Variants in NT5DC1 observed in about 807,000 individuals in gnomAD.
The protein encoded by NT5DC1 is 5'-nucleotidase domain containing 1, also known as 5'-nucleotidase domain-containing protein 1.
A neutral mutation model predicts 59.4 loss-of-function variants in NT5DC1; 42 were observed. The observed-to-expected ratio is 0.71, with a 90% confidence interval of 0.55 to 0.92. The LOEUF is 0.92. Ranked by LOEUF, NT5DC1 falls within the 40% of genes least tolerant of loss-of-function variation. NT5DC1 has a pLI of 0.00. For missense variants in NT5DC1, 501 were observed against 537.1 expected, an observed-to-expected ratio of 0.93 and a Z score of 0.66; for synonymous variants, 172 against 188.1, an observed-to-expected ratio of 0.91 and a Z score of 0.70.
At position 116,108,359 on chromosome 6, in the gene NT5DC1, T is replaced by G. The variant is rs758726923; in HGVS notation, c.186-5T>G. 93 of 1,582,044 alleles carry G rather than the reference T, an allele frequency of 5.9e-5. No homozygotes were observed. Among genetic ancestry groups the G allele is most frequent in the Non-Finnish European group, 8.0e-5 (92 of 1,150,960 alleles). Reference sequence around the variant, plus strand: ...TTGATTAATAATCAAACTTTCCTATTTCAGTTGCAAAGGTTTGGCATTGGA... The same window carrying G: ...TTGATTAATAATCAAACTTTCCTATGTCAGTTGCAAAGGTTTGGCATTGGA... On this transcript the variant is annotated splice_polypyrimidine_tract_variant and splice_region_variant and intron_variant, in intron 2 of 11. Coordinates refer to ENST00000319550, the MANE Select transcript of NT5DC1 (RefSeq NM_152729.3).
intron 7 of NT5DC1, 91 bp downstream of exon 7, chr6:116,221,319 T>C: frequency 1.3e-6 from 1 of 750,920 alleles, no homozygotes; most frequent in Non-Finnish European, 2.2e-6. Flanking sequence ...GCCATGACCA[T>C]ATCATTATTT....
chr6:116,216,223 T>C (rs1038929965), intron 6 of NT5DC1, among the ~76,000 whole-genome samples: 2 of 152,166 alleles, frequency 1.3e-5, no homozygotes, highest in Non-Finnish European at 2.9e-5. Context: ...GTAATAAAGA[T>C]ACTATAAAAT....
At chr6:116,189,165 T>C (rs1781066883) in intron 6 of NT5DC1, among the ~76,000 whole-genome samples, 1 of 151,920 alleles carries the variant, frequency 6.6e-6, no homozygotes, top group African/African-American at 2.4e-5. Flanking sequence ...TTTGTTCTTT[T>C]TTTTAGTTGA....
At chr6:116,242,730 A>T (rs1771761718) in intron 11 of NT5DC1, among the ~76,000 whole-genome samples, 1 of 152,160 alleles carries the variant, frequency 6.6e-6, no homozygotes, top group Non-Finnish European at 1.5e-5. Flanking sequence ...TCCTTTATAG[A>T]GGCATATGCT....
At chr6:116,145,557 T>C (rs530467173) in intron 6 of NT5DC1, 2 of 257,692 alleles carry the variant, frequency 7.8e-6, no homozygotes, top group East Asian at 2.0e-4. Flanking sequence ...TGTCATCTTA[T>C]GGATTATTCT....
At chr6:116,123,876 T>C (rs1779211728) in intron 6 of NT5DC1, among the ~76,000 whole-genome samples, 1 of 152,336 alleles carries the variant, frequency 6.6e-6, no homozygotes, top group Middle Eastern at 3.4e-3. Flanking sequence ...TCTAAAATAG[T>C]GCATTTTCTT....
At chr6:116,132,880 A>T (rs998544204) in intron 6 of NT5DC1, among the ~76,000 whole-genome samples, 4 of 152,266 alleles carry the variant, frequency 2.6e-5, no homozygotes, top group African/African-American at 4.8e-5. Flanking sequence ...TTAAAAGAAC[A>T]TTCTTAGGTG....
intron 8 of NT5DC1, among the ~76,000 whole-genome samples, chr6:116,224,009 A>G (rs1781860122): frequency 2.0e-5 from 3 of 152,172 alleles, no homozygotes; most frequent in Admixed American, 2.0e-4. Context: ...TGCAAAATAT[A>G]TATAAGTGTC....
chr6:116,157,789 A>G (rs111383438), intron 6 of NT5DC1, among the ~76,000 whole-genome samples: 86 of 152,332 alleles, frequency 5.6e-4, no homozygotes, highest in African/African-American at 1.8e-3. Context: ...CGGGGAAATC[A>G]AAAACTGATA....
At chr6:116,140,559 A>G (rs1159827605) in intron 6 of NT5DC1, among the ~76,000 whole-genome samples, 3 of 152,156 alleles carry the variant, frequency 2.0e-5, no homozygotes, top group African/African-American at 7.2e-5. Flanking sequence ...TAACATTAGC[A>G]TTCTTTTTGA....
intron 6 of NT5DC1, chr6:116,120,629 C>A: frequency 6.4e-7 from 1 of 1,554,040 alleles, no homozygotes; most frequent in East Asian, 2.2e-5. Context: ...GCCTCTTGGA[C>A]CTGGAGGCCC....
At chr6:116,176,014 T>C (rs546172262) in intron 6 of NT5DC1, among the ~76,000 whole-genome samples, 1 of 152,312 alleles carries the variant, frequency 6.6e-6, no homozygotes, top group East Asian at 1.9e-4. Context: ...TGCTGGACAT[T>C]GTGTGAACAT....
At chr6:116,162,641 A>T (rs59777418) in intron 6 of NT5DC1, among the ~76,000 whole-genome samples, 5,916 of 152,152 alleles carry the variant, frequency 0.039, 178 homozygotes, top group African/African-American at 0.079. Flanking sequence ...ATCGTGATGA[A>T]TTATCTTTTT....
intron 6 of NT5DC1, among the ~76,000 whole-genome samples, chr6:116,151,848 A>G (rs1018085744): frequency 1.3e-5 from 2 of 152,358 alleles, no homozygotes; most frequent in Admixed American, 6.5e-5. Context: ...TTGAGATATT[A>G]ATAAACTGAT....
chr6:116,153,593 A>G (rs1403217743), intron 6 of NT5DC1, among the ~76,000 whole-genome samples: 1 of 152,152 alleles, frequency 6.6e-6, no homozygotes, highest in Non-Finnish European at 1.5e-5. Flanking sequence ...GGCTTCAGGA[A>G]TATAGTTACC....
chr6:116,152,619 T>A, intron 6 of NT5DC1, among the ~76,000 whole-genome samples: 1 of 152,300 alleles, frequency 6.6e-6, no homozygotes, highest in East Asian at 1.9e-4. Context: ...ATTTAACCCC[T>A]TAACATAATG....
At chr6:116,121,449 C>G (rs759656228) in intron 6 of NT5DC1, 2 of 1,614,174 alleles carry the variant, frequency 1.2e-6, no homozygotes, top group Non-Finnish European at 1.7e-6. Context: ...CCATTTTCAC[C>G]TCTTTTTCCC....
At chr6:116,217,307 G>A (rs529706418) in intron 6 of NT5DC1, among the ~76,000 whole-genome samples, 291 of 152,092 alleles carry the variant, frequency 1.9e-3, no homozygotes, top group Non-Finnish European at 2.9e-3. Context: ...TTTTAACATA[G>A]GAGAGCTAAA....
intron 4 of NT5DC1, among the ~76,000 whole-genome samples, chr6:116,113,102 T>C (rs1251081840): frequency 6.6e-6 from 1 of 152,164 alleles, no homozygotes; most frequent in East Asian, 1.9e-4. Flanking sequence ...CCCCAAATGG[T>C]AGATTATGCA....
Sources: gnomAD v4.1 joint callset for allele counts (sites outside exome capture counted in the v4.1 genomes callset) on GRCh38, gnomAD v4.1.1 for gene constraint, MANE v1.5 for transcripts, NCBI Gene and HGNC (gene_info 2026-07-23, HGNC 2026-07-21) for gene names.